The following EEFSEC variants were observed in gnomAD, a reference collection of about 807,000 sequenced individuals.
EEFSEC encodes the protein selenocysteine-specific elongation factor.
A neutral mutation model predicts 42.1 loss-of-function variants in EEFSEC; 43 were observed. The observed-to-expected ratio is 1.02, with a 90% CI of 0.80 to 1.32. The LOEUF (loss-of-function observed/expected upper bound fraction) is 1.32. Ranked by LOEUF, EEFSEC falls within the 40% of genes most tolerant of loss-of-function variation. EEFSEC has a pLI of 0.00. For missense variants in EEFSEC, 745 were observed against 803.6 expected (o/e 0.93, Z 0.88); for synonymous variants, 354 against 339.1 (o/e 1.04, Z -0.48).
chr3:128,358,436 G>A (rs910051034), intron 6 of EEFSEC, 63 bp downstream of exon 6: 62 of 1,582,018 alleles, frequency 3.9e-5, no homozygotes, highest in Non-Finnish European at 4.1e-5. Context: ...GATGGCAGAG[G>A]TGATGCCAAG....
At chr3:128,402,002 G>C (rs376350048) in intron 6 of EEFSEC, among the ~76,000 whole-genome samples, 3 of 152,078 alleles carry the variant, frequency 2.0e-5, no homozygotes, top group Admixed American at 2.0e-4. Flanking sequence ...TCCCCTCCCC[G>C]GCTCCTGTGT....
At chr3:128,242,066 G>A (rs1042966225) in intron 1 of EEFSEC, among the ~76,000 whole-genome samples, 1 of 152,192 alleles carries the variant, frequency 6.6e-6, no homozygotes, top group Non-Finnish European at 1.5e-5. Context: ...CGTAATCCTA[G>A]TAGCACTTTG....
chr3:128,356,571 T>C (rs2067457333), intron 5 of EEFSEC, among the ~76,000 whole-genome samples: 1 of 152,194 alleles, frequency 6.6e-6, no homozygotes, highest in Non-Finnish European at 1.5e-5. Context: ...AGAAATGCAC[T>C]TCTTGGTTTG....
chr3:128,308,577 C>T lies in EEFSEC; in HGVS notation c.787-32656C>T, dbSNP rs576345050. Among the ~76,000 whole-genome samples, 9 of 152,308 alleles carry T rather than the reference C, an allele frequency of 5.9e-5. No homozygotes were observed. In the South Asian group the frequency reaches 1.9e-3, roughly 32 times the overall value. On this transcript the variant is annotated intron_variant, in intron 4 of 6. Coordinates refer to ENST00000254730, the MANE Select transcript of EEFSEC (RefSeq NM_021937.5). The stretch of plus-strand genomic sequence containing the variant: ...CCAGTCCCCCAAAACCTAAGCTTTA[C>T]CCCTCATGCCAATAGCTTTTAAACA...
At chr3:128,223,347 G>A (rs1285132084) in intron 1 of EEFSEC, among the ~76,000 whole-genome samples, 4 of 152,286 alleles carry the variant, frequency 2.6e-5, no homozygotes, top group East Asian at 3.9e-4. Context: ...TCTGTGAGTT[G>A]TTCTAGTTAA....
At position 128,327,863 on chromosome 3, in the gene EEFSEC, G is replaced by A. The variant is rs2067082540; in HGVS notation, c.787-13370G>A. On this transcript the variant is annotated intron_variant, in intron 4 of 6. Coordinates refer to ENST00000254730, the MANE Select transcript of EEFSEC (RefSeq NM_021937.5). ...GCGGCTGCTATGGGTGTCTGAGCAA[G>A]AAGTGAGGCCCAGTGACCAGAAAGA... is the stretch of plus-strand genomic sequence containing the variant. Among the ~76,000 whole-genome samples the A allele has an allele frequency of 2.0e-5, 3 of 152,204 alleles. No homozygotes were observed. In the South Asian group the frequency reaches 6.2e-4, roughly 32 times the overall value.
At chr3:128,385,221 C>T (rs1245829264) in intron 6 of EEFSEC, among the ~76,000 whole-genome samples, 5 of 152,248 alleles carry the variant, frequency 3.3e-5, no homozygotes, top group Admixed American at 3.3e-4. Flanking sequence ...ATAGCTCAGA[C>T]CCACGATAAG....
intron 6 of EEFSEC, among the ~76,000 whole-genome samples, 194 bp downstream of exon 6, chr3:128,358,567 G>A (rs1390479049): frequency 6.6e-6 from 1 of 152,250 alleles, no homozygotes; most frequent in African/African-American, 2.4e-5. Flanking sequence ...GAGCCTGGAT[G>A]TGGAGTGAAG....
intron 4 of EEFSEC, among the ~76,000 whole-genome samples, chr3:128,301,051 G>A (rs561721489): frequency 1.3e-5 from 2 of 152,254 alleles, no homozygotes; most frequent in African/African-American, 4.8e-5. Context: ...CCTCAAACAA[G>A]CTCCATCGAT....
Position 128,408,085 on chromosome 3 carries a change from G to A in EEFSEC, c.1617G>A (p.Glu539=), listed in dbSNP as rs2068140458. ...KIHIPGGLSP[E]SKKILTPALK... ...GCCTTGCAGGTGGCCTCAGCCCCGA[G>A]TCCAAGAAGATCCTGACACCCGCCC... The change falls in exon 7 of 7, where the codon GAG becomes GAA. Residue 539 remains glutamate, a synonymous_variant. Coordinates refer to ENST00000254730, the MANE Select transcript of EEFSEC (RefSeq NM_021937.5). 1 of 1,586,704 alleles carries A rather than the reference G, an allele frequency of 6.3e-7. No homozygotes were observed. Among genetic ancestry groups the A allele is most frequent in the Non-Finnish European group, 8.6e-7 (1 of 1,166,656 alleles).
chr3:128,308,028 T>C (rs965724664), intron 4 of EEFSEC, among the ~76,000 whole-genome samples: 1 of 152,226 alleles, frequency 6.6e-6, no homozygotes, highest in Non-Finnish European at 1.5e-5. Context: ...TCAGTTGAAC[T>C]GTGTGGCTAA....
chr3:128,281,339 T>C (rs1165287197), intron 4 of EEFSEC, among the ~76,000 whole-genome samples: 3 of 152,144 alleles, frequency 2.0e-5, no homozygotes, highest in Non-Finnish European at 4.4e-5. Context: ...CTAGGAGTGA[T>C]TGCAGCCCCT....
At chr3:128,225,665 A>T (rs1218405937) in intron 1 of EEFSEC, among the ~76,000 whole-genome samples, 1 of 152,246 alleles carries the variant, frequency 6.6e-6, no homozygotes, top group Non-Finnish European at 1.5e-5. Context: ...ACAGAGCACC[A>T]GCCACCTCTC....
intron 1 of EEFSEC, among the ~76,000 whole-genome samples, chr3:128,206,554 A>G (rs1222212975): frequency 6.6e-6 from 1 of 152,186 alleles, no homozygotes; most frequent in African/African-American, 2.4e-5. Context: ...TGATGAGAAT[A>G]GGACATATAA....
At chr3:128,348,519 G>A (rs2067344218) in intron 5 of EEFSEC, among the ~76,000 whole-genome samples, 1 of 152,092 alleles carries the variant, frequency 6.6e-6, no homozygotes, top group South Asian at 2.1e-4. Flanking sequence ...TTAACAAATG[G>A]AAAACAAGAC....
intron 1 of EEFSEC, among the ~76,000 whole-genome samples, chr3:128,221,036 C>T (rs2065856611): frequency 1.3e-5 from 2 of 152,248 alleles, no homozygotes; most frequent in South Asian, 4.1e-4. Flanking sequence ...CTGAAAATAA[C>T]ATGATAGTGC....
chr3:128,241,650 C>T (rs138568820), intron 1 of EEFSEC, among the ~76,000 whole-genome samples: 87 of 152,274 alleles, frequency 5.7e-4, no homozygotes, highest in African/African-American at 2.0e-3. Context: ...ATTTGTAATA[C>T]CCACATTGCA....
chr3:128,214,183 C>CT (rs779026093), intron 1 of EEFSEC, among the ~76,000 whole-genome samples: 7 of 152,122 alleles, frequency 4.6e-5, no homozygotes, highest in African/African-American at 7.2e-5. Flanking sequence ...TTTGGGAATC[C>CT]TTTTTATATA....
the EEFSEC span, among the ~76,000 whole-genome samples, chr3:128,418,910 G>A: frequency 1.3e-5 from 2 of 152,118 alleles, no homozygotes; most frequent in Non-Finnish European, 2.9e-5. Flanking sequence ...GGGCCCCTCT[G>A]TGCCATCCCC....
Sources: gnomAD v4.1 joint callset for allele counts (sites outside exome capture counted in the v4.1 genomes callset) on GRCh38, gnomAD v4.1.1 for gene constraint, MANE v1.5 for transcripts, NCBI Gene and HGNC (gene_info 2026-07-23, HGNC 2026-07-21) for gene names.